FAM20A: variants seen among roughly 807,000 people sequenced by gnomAD.
FAM20A encodes pseudokinase FAM20A.
Under a neutral mutation model 52.0 loss-of-function variants are expected in FAM20A, and 42 were observed. That is an observed-to-expected ratio of 0.81 (90% CI 0.63 to 1.04). The LOEUF is 1.04. Among genes scored for constraint, FAM20A ranks in the 50% least tolerant of loss-of-function variants. FAM20A has a pLI of 0.00. For synonymous variants in FAM20A, 304 were observed against 298.9 expected (o/e 1.02, Z -0.18); for missense variants, 742 against 712.7 (o/e 1.04, Z -0.47).
At chr17:68,563,429 T>A (rs942786082) in intron 1 of FAM20A, among the ~76,000 whole-genome samples, 2 of 150,872 alleles carry the variant, frequency 1.3e-5, no homozygotes, top group Non-Finnish European at 2.9e-5. Flanking sequence ...CCCTTCCTGA[T>A]GTGCCATGCA....
At chr17:68,587,071 T>G (rs992352740) in intron 1 of FAM20A, among the ~76,000 whole-genome samples, 13 of 152,312 alleles carry the variant, frequency 8.5e-5, no homozygotes, top group African/African-American at 2.9e-4. Context: ...TTATTTTGTA[T>G]TTTTAGTAGC....
At chr17:68,565,737 C>G (rs866617060) in intron 1 of FAM20A, among the ~76,000 whole-genome samples, 4 of 151,992 alleles carry the variant, frequency 2.6e-5, no homozygotes, top group East Asian at 1.9e-4. Context: ...GTTGCCTGTG[C>G]CTTAACCCTC....
intron 8 of FAM20A, 54 bp from the exon 9 acceptor site, chr17:68,540,020 T>A: frequency 6.7e-7 from 1 of 1,486,522 alleles, no homozygotes; most frequent in Non-Finnish European, 9.4e-7. Flanking sequence ...GGACAGGTGC[T>A]CCTGACCTGA....
At chr17:68,599,928 G>A (rs916065352) in intron 1 of FAM20A, among the ~76,000 whole-genome samples, 2 of 152,216 alleles carry the variant, frequency 1.3e-5, no homozygotes, top group African/African-American at 2.4e-5. Flanking sequence ...GTGGGGTTTG[G>A]GAGCGGACGA....
At position 68,552,731 on chromosome 17, in the gene FAM20A, G is replaced by A. The variant is rs1226481771; in HGVS notation, c.641-780C>T. On this transcript the variant is annotated intron_variant, in intron 3 of 10. Coordinates refer to ENST00000592554, the MANE Select transcript of FAM20A (RefSeq NM_017565.4). ...GCTCTGTCGCCCAGGCCGGACTGCG[G>A]ACTGCAGTGGCGCAATCTCGGCTCA... Among the ~76,000 whole-genome samples, 3 of 97,856 alleles carry A rather than the reference G, an allele frequency of 3.1e-5. 1 individual carries two copies. Among genetic ancestry groups the A allele is most frequent in the African/African-American group, 1.1e-4 (3 of 26,948 alleles). 64.2% of individuals were successfully genotyped at this position (97,856 alleles called of 152,430 possible).
chr17:68,564,687 T>C (rs919286850), intron 1 of FAM20A, among the ~76,000 whole-genome samples: 3 of 152,184 alleles, frequency 2.0e-5, no homozygotes, highest in Admixed American at 6.5e-5. Flanking sequence ...GGTCTGGGCT[T>C]GGGCCTTAGG....
At chr17:68,542,647 C>T (rs1246832988) in intron 6 of FAM20A, 47 bp downstream of exon 6, 2 of 1,455,548 alleles carry the variant, frequency 1.4e-6, no homozygotes, top group Admixed American at 1.7e-5. Flanking sequence ...GACACTCTGG[C>T]TTACGATCTA....
chr17:68,552,224 TAGTG>T (rs1568738607), intron 3 of FAM20A, among the ~76,000 whole-genome samples: 1 of 151,262 alleles, frequency 6.6e-6, no homozygotes, highest in Non-Finnish European at 1.5e-5. Context: ...CTGGGCAACA[TAGTG>T]AGACCTCCAT....
chr17:68,572,432 T>C (rs1231249259), intron 1 of FAM20A, among the ~76,000 whole-genome samples: 1 of 152,182 alleles, frequency 6.6e-6, no homozygotes, highest in Non-Finnish European at 1.5e-5. Flanking sequence ...CAATGGACTT[T>C]CTTGATTCTT....
intron 1 of FAM20A, among the ~76,000 whole-genome samples, chr17:68,567,158 C>A (rs2087399512): frequency 6.6e-6 from 1 of 151,922 alleles, no homozygotes; most frequent in Non-Finnish European, 1.5e-5. Context: ...CTGTAAAGGA[C>A]AAGATAGCAA....
At chr17:68,564,384 T>G (rs531669109) in intron 1 of FAM20A, among the ~76,000 whole-genome samples, 1 of 152,310 alleles carries the variant, frequency 6.6e-6, no homozygotes, top group Admixed American at 6.5e-5. Flanking sequence ...CTTATAAAGA[T>G]GAGAGACCAG....
intron 1 of FAM20A, among the ~76,000 whole-genome samples, chr17:68,598,753 G>A (rs2088529011): frequency 6.6e-6 from 1 of 152,072 alleles, no homozygotes; most frequent in Admixed American, 6.6e-5. Flanking sequence ...AGTAACACCG[G>A]GAAGTTTAAG....
At chr17:68,541,827 C>T (rs1647791959) in intron 7 of FAM20A, 158 bp downstream of exon 7, 1 of 847,508 alleles carries the variant, frequency 1.2e-6, no homozygotes, top group Non-Finnish European at 1.8e-6. Flanking sequence ...AAGGGGAGAA[C>T]AGACCCAGGC....
intron 1 of FAM20A, among the ~76,000 whole-genome samples, chr17:68,587,516 C>T (rs1427266420): frequency 6.6e-6 from 1 of 152,122 alleles, no homozygotes; most frequent in Non-Finnish European, 1.5e-5. Flanking sequence ...GGAGAGCTCT[C>T]CAAGAGGTTC....
At chr17:68,549,230 C>T (rs1180429037) in intron 4 of FAM20A, among the ~76,000 whole-genome samples, 1 of 152,178 alleles carries the variant, frequency 6.6e-6, no homozygotes, top group Non-Finnish European at 1.5e-5. Flanking sequence ...TGCATTGGCT[C>T]ACGCCTGGAA....
At chr17:68,592,213 C>T (rs1272836965) in intron 1 of FAM20A, among the ~76,000 whole-genome samples, 1 of 152,072 alleles carries the variant, frequency 6.6e-6, no homozygotes, top group East Asian at 1.9e-4. Flanking sequence ...GTGCTCAGGG[C>T]TGCATGGAAT....
chr17:68,578,071 C>A (rs918922522), intron 1 of FAM20A, among the ~76,000 whole-genome samples: 5 of 152,136 alleles, frequency 3.3e-5, no homozygotes, highest in Non-Finnish European at 7.3e-5. Flanking sequence ...TCCTCTCTTT[C>A]CTCTACCATT....
At chr17:68,584,347 CAAA>C (rs11471248) in intron 1 of FAM20A, among the ~76,000 whole-genome samples, 1 of 124,716 alleles carries the variant, frequency 8.0e-6, no homozygotes, top group Non-Finnish European at 1.8e-5. Flanking sequence ...CAAAACAAAA[CAAA>C]AAAAAAACCC....
Position 68,600,419 on chromosome 17 carries a change from C to A in FAM20A, c.248G>T (p.Gly83Val). ...CTTGGAGCTCGACCCGCTGTGGCTG[C>A]CGCCAGCCGGTTCAGTCCGGGGCTC... The part of the protein sequence containing the change: ...RTEPRTEPAG[G>V]SHSGSSSKLQ... The change falls in exon 1 of 11, where the codon GGC becomes GTC. Residue 83 changes from glycine to valine, a missense_variant. Physicochemically the swap from Gly to Val is moderately radical, Grantham distance 109. Transcript: ENST00000592554. This position sits in a 1 kb window ranked among gnomAD's most constrained non-coding sequence, Gnocchi z 6.2. 6.2e-7 allele frequency: 1 copy of A among 1,610,034 alleles called. No homozygotes were observed. Among genetic ancestry groups the A allele is most frequent in the African/African-American group, 1.3e-5 (1 of 75,010 alleles).
Sources: allele counts gnomAD v4.1 joint callset (sites outside exome capture counted in the v4.1 genomes callset), GRCh38; gene constraint gnomAD v4.1.1; non-coding constraint Gnocchi (gnomAD v3.1); transcripts MANE v1.5; gene names NCBI Gene and HGNC (gene_info 2026-07-23, HGNC 2026-07-21).